The following EPHB1 variants were observed in gnomAD, a reference collection of about 807,000 sequenced individuals.
EPHB1 encodes ephrin type-B receptor 1.
A neutral mutation model predicts 94.4 loss-of-function variants in EPHB1; 30 were observed. The observed-to-expected ratio is 0.32, with a 90% CI of 0.24 to 0.43. EPHB1 has a LOEUF of 0.43. EPHB1 is among the 20% of genes least tolerant of loss of function. EPHB1 has a pLI of 1.00. For missense variants in EPHB1, 1,055 were observed against 1,308.3 expected (o/e 0.81, Z 2.99); for synonymous variants, 522 against 489.1 (o/e 1.07, Z -0.89).
Position 134,967,824 on chromosome 3 carries a change from A to G in EPHB1, c.805+15772A>G, listed in dbSNP as rs953123776. On this transcript the variant is annotated intron_variant, in intron 3 of 15. Coordinates refer to ENST00000398015, the MANE Select transcript of EPHB1 (RefSeq NM_004441.5). ...CACTGGTGACTTTTTAAGGTGATGG[A>G]TGCACATGAGAAGAATATCCCACTG... 4.6e-5 allele frequency among the ~76,000 whole-genome samples: 7 copies of G among 150,674 alleles called. 1 individual carries two copies. The highest frequency in any genetic ancestry group is 1.0e-4 in the Non-Finnish European group (7 of 67,656).
chr3:135,106,686 ACAT>A, intron 4 of EPHB1, 83 bp downstream of exon 4: 1 of 1,541,618 alleles, frequency 6.5e-7, no homozygotes, highest in Non-Finnish European at 8.9e-7. Context: ...GGAAGAGAAG[ACAT>A]CATCCTTTGA....
intron 15 of EPHB1, among the ~76,000 whole-genome samples, chr3:135,250,115 A>G (rs1158669113): frequency 6.6e-6 from 1 of 152,230 alleles, no homozygotes; most frequent in African/African-American, 2.4e-5. Flanking sequence ...TCTCCTTGGA[A>G]AAAAGGTCCC....
intron 1 of EPHB1, among the ~76,000 whole-genome samples, chr3:134,877,941 TTCCA>T (rs2037651103): frequency 3.3e-5 from 5 of 152,228 alleles, no homozygotes; most frequent in Non-Finnish European, 7.3e-5. Context: ...TCTGGCTGGC[TTCCA>T]GGTGAAGTCG....
At chr3:134,928,700 G>A (rs680054) in intron 2 of EPHB1, among the ~76,000 whole-genome samples, 2 of 152,004 alleles carry the variant, frequency 1.3e-5, no homozygotes, top group Non-Finnish European at 2.9e-5. Flanking sequence ...GAAGGCGGCC[G>A]CATGTCAGTG....
chr3:135,237,888 T>TGCA (rs910222148), intron 12 of EPHB1, among the ~76,000 whole-genome samples: 64 of 152,288 alleles, frequency 4.2e-4, no homozygotes, highest in African/African-American at 1.4e-3. Context: ...AAGCTCCTCA[T>TGCA]GCAGCAGCAG....
Position 135,201,576 on chromosome 3 carries a change from C to T in EPHB1, c.2233C>T (p.Leu745=), listed in dbSNP as rs776414294. The T allele has an allele frequency of 8.1e-6, 13 of 1,614,054 alleles. No individual in the cohort carries two copies. The highest frequency in any genetic ancestry group is 1.1e-5 in the Non-Finnish European group (13 of 1,180,000). The change falls in exon 12 of 16, where the codon CTG becomes TTG. Residue 745 remains leucine (L), a synonymous_variant. Transcript: ENST00000398015. ...LAEMNYVHRD[L]AARNILVNSN... Reference sequence around the variant, plus strand: ...TGAGATGAATTATGTGCATCGGGACCTGGCTGCTAGGAACATTCTGGTCAA... The same window carrying T: ...TGAGATGAATTATGTGCATCGGGACTTGGCTGCTAGGAACATTCTGGTCAA...
Position 135,202,464 on chromosome 3 carries a change from C to T in EPHB1, c.2346+775C>T, listed in dbSNP as rs571032595. ...CTATCCCTCTTTCCATCTCTACTGC[C>T]CCCACCCTATTCCAAAGCACCATTC... On this transcript the variant is annotated intron_variant, in intron 12 of 15. Transcript: ENST00000398015. Among the ~76,000 whole-genome samples, 370 of 152,180 alleles carry T rather than the reference C, an allele frequency of 2.4e-3. 5 individuals carry two copies. In the South Asian group the frequency reaches 0.025, roughly 10 times the overall value.
intron 3 of EPHB1, among the ~76,000 whole-genome samples, chr3:135,035,756 A>C (rs901931533): frequency 6.6e-6 from 1 of 152,218 alleles, no homozygotes; most frequent in Non-Finnish European, 1.5e-5. Context: ...ATATACTTGC[A>C]TGATGCATTA....
At chr3:135,223,439 T>C (rs769541130) in intron 12 of EPHB1, among the ~76,000 whole-genome samples, 8 of 152,318 alleles carry the variant, frequency 5.3e-5, no homozygotes, top group South Asian at 2.1e-4. Context: ...GTATAGGCCA[T>C]CAAACCTGAT....
chr3:134,886,745 G>A lies in EPHB1; in HGVS notation c.59-39071G>A, dbSNP rs187045493. On this transcript the variant is annotated intron_variant, in intron 1 of 15. Transcript: ENST00000398015. ...TATCCTAAGCTCACAGCAACCCTAGGTTGGCACATTAATTATCCTGTTTTT... is the reference window on the plus strand; with the variant it reads ...TATCCTAAGCTCACAGCAACCCTAGATTGGCACATTAATTATCCTGTTTTT... Among the ~76,000 whole-genome samples, 6 of 152,164 alleles carry A rather than the reference G, an allele frequency of 3.9e-5. No individual in the cohort carries two copies. In the East Asian group the frequency reaches 1.2e-3, roughly 29 times the overall value.
chr3:135,134,805 C>T (rs879882301), intron 5 of EPHB1, among the ~76,000 whole-genome samples: 1 of 152,198 alleles, frequency 6.6e-6, no homozygotes, highest in Non-Finnish European at 1.5e-5. Context: ...GCCAGGCTGT[C>T]ATGTTACACT....
chr3:135,075,366 C>T (rs1044857316), intron 3 of EPHB1, among the ~76,000 whole-genome samples: 2 of 152,090 alleles, frequency 1.3e-5, no homozygotes, highest in Non-Finnish European at 2.9e-5. Context: ...AATCCATGAG[C>T]CATCTGATGA....
chr3:135,225,466 C>A (rs905575064), intron 12 of EPHB1, among the ~76,000 whole-genome samples: 1 of 152,154 alleles, frequency 6.6e-6, no homozygotes, highest in South Asian at 2.1e-4. Flanking sequence ...AGTTCTCTAA[C>A]CTTGGGAGAC....
intron 1 of EPHB1, among the ~76,000 whole-genome samples, chr3:134,912,569 G>T (rs755707905): frequency 2.6e-5 from 4 of 152,176 alleles, no homozygotes; most frequent in Non-Finnish European, 5.9e-5. Context: ...TTGGCAGAAG[G>T]GTATGCTCTG....
At chr3:134,895,880 T>A (rs2038077048) in intron 1 of EPHB1, among the ~76,000 whole-genome samples, 1 of 152,224 alleles carries the variant, frequency 6.6e-6, no homozygotes, top group African/African-American at 2.4e-5. Flanking sequence ...TTCATAAGGC[T>A]GTCCTCTACT....
At chr3:135,173,850 A>G (rs907324046) in intron 9 of EPHB1, among the ~76,000 whole-genome samples, 2 of 152,158 alleles carry the variant, frequency 1.3e-5, no homozygotes, top group East Asian at 1.9e-4. Context: ...CCCCTCTTAC[A>G]ATAGGATTTC....
intron 1 of EPHB1, among the ~76,000 whole-genome samples, chr3:134,897,774 C>T (rs1192413277): frequency 4.6e-5 from 7 of 152,268 alleles, no homozygotes; most frequent in South Asian, 4.1e-4. Context: ...AAAGAAAGAC[C>T]GTGCCTGGTT....
At chr3:135,058,759 G>T (rs778966928) in intron 3 of EPHB1, among the ~76,000 whole-genome samples, 2 of 152,178 alleles carry the variant, frequency 1.3e-5, no homozygotes, top group African/African-American at 4.8e-5. Flanking sequence ...TTCTGCCTCC[G>T]GCTACATGGG....
Position 135,241,178 on chromosome 3 carries a change from C to G in EPHB1, c.2377C>G (p.Pro793Ala). Residue 793 changes from proline (P) to alanine (A), a missense_variant, in exon 13 of 16, where the codon CCA becomes GCA. By Grantham distance (27) the Pro-to-Ala change is conservative. Transcript: ENST00000398015. ...GGKIPVRWTA[P>A]EAIAYRKFTS... ...GAAGATCCCTGTGAGATGGACAGCT[C>G]CAGAGGCCATCGCCTACCGCAAGTT... 1 of 1,614,194 alleles carries G rather than the reference C, an allele frequency of 6.2e-7. No homozygotes were observed. Among genetic ancestry groups the G allele is most frequent in the East Asian group, 2.2e-5 (1 of 44,872 alleles).
Sources: allele counts gnomAD v4.1 joint callset (sites outside exome capture counted in the v4.1 genomes callset), GRCh38; gene constraint gnomAD v4.1.1; transcripts MANE v1.5; gene names NCBI Gene and HGNC (gene_info 2026-07-23, HGNC 2026-07-21).